The following LANCL1 variants were observed in gnomAD, a reference collection of about 807,000 sequenced individuals.
LANCL1 encodes glutathione S-transferase LANCL1.
In LANCL1, 50 loss-of-function variants were observed where a neutral mutation model predicts 50.6. That is an observed-to-expected ratio of 0.99 (90% CI 0.79 to 1.25). The LOEUF (loss-of-function observed/expected upper bound fraction) is 1.25, where lower values mean the gene tolerates loss of function less well. Among genes scored for constraint, LANCL1 ranks in the 50% most tolerant of loss-of-function variants. The pLI is 0.00. For missense variants in LANCL1, 532 were observed against 480.7 expected, an observed-to-expected ratio of 1.11 and a Z score of -1.00; for synonymous variants, 188 against 178.6, an observed-to-expected ratio of 1.05 and a Z score of -0.42.
chr2:210,441,510 G>C (rs1421191447), intron 4 of LANCL1, 67 bp from the exon 5 acceptor site: 1 of 1,363,738 alleles, frequency 7.3e-7, no homozygotes, highest in Non-Finnish European at 1.0e-6. Context: ...ACTTAAAAAT[G>C]GTACATTGAA....
intron 8 of LANCL1, among the ~76,000 whole-genome samples, chr2:210,435,706 TA>T (rs1692904872): frequency 6.6e-6 from 1 of 152,088 alleles, no homozygotes; most frequent in Non-Finnish European, 1.5e-5. Context: ...CCTACATCTT[TA>T]TTTTTTTCTC....
chr2:210,465,579 A>T (rs1051627240), intron 3 of LANCL1, among the ~76,000 whole-genome samples: 2 of 152,220 alleles, frequency 1.3e-5, no homozygotes, highest in Non-Finnish European at 2.9e-5. Context: ...ACATATTGAA[A>T]ATGTAGCCTT....
chr2:210,450,250 T>A (rs1253877114), intron 4 of LANCL1, among the ~76,000 whole-genome samples: 2 of 152,174 alleles, frequency 1.3e-5, no homozygotes, highest in African/African-American at 2.4e-5. Context: ...GGGAAAGGAT[T>A]CCCTACTTAA....
intron 3 of LANCL1, among the ~76,000 whole-genome samples, chr2:210,461,144 ATC>A (rs1280662744): frequency 2.0e-5 from 3 of 150,812 alleles, no homozygotes; most frequent in African/African-American, 4.9e-5. Flanking sequence ...CTTTTTTCTG[ATC>A]TGTTTCACAC....
intron 3 of LANCL1, among the ~76,000 whole-genome samples, chr2:210,461,265 T>C (rs1398402459): frequency 1.3e-5 from 2 of 152,036 alleles, no homozygotes; most frequent in African/African-American, 4.8e-5. Flanking sequence ...CCAGCGTAAA[T>C]CCATGCCCAT....
intron 9 of LANCL1, 131 bp downstream of exon 9, chr2:210,435,256 G>A (rs1692887056): frequency 1.5e-6 from 1 of 666,966 alleles, no homozygotes; most frequent in South Asian, 1.9e-5. Context: ...TATCGATTTA[G>A]CATATTAGGA....
chr2:210,466,401 T>C (rs1181026104), intron 3 of LANCL1, among the ~76,000 whole-genome samples: 1 of 152,178 alleles, frequency 6.6e-6, no homozygotes, highest in Non-Finnish European at 1.5e-5. Context: ...TACACAGACT[T>C]CTGATTAGCC....
intron 4 of LANCL1, among the ~76,000 whole-genome samples, chr2:210,451,146 G>A (rs1693499416): frequency 6.6e-6 from 1 of 152,174 alleles, no homozygotes; most frequent in Non-Finnish European, 1.5e-5. Context: ...ATACTATGCA[G>A]CCATAAAAAA....
rs184865055 is a variant in LANCL1 at position 210,468,069 on chromosome 2, A to C, written c.199+3890T>G. On this transcript the variant is annotated intron_variant, in intron 3 of 9. Coordinates refer to ENST00000450366, the MANE Select transcript of LANCL1 (RefSeq NM_006055.3). ...AATGTTTTACAGTATTAAGTTTAGA[A>C]TCAATCGCTAGTCCCTTCTAGATTT... The C allele has an allele frequency of 1.2e-4, 19 of 152,336 alleles. No individual in the cohort carries two copies. The East Asian group carries it at 2.1e-3, about 17-fold the overall frequency. The allele number at this position is 152,336 out of a possible 1,614,324, so 9.4% of individuals were successfully genotyped here. A position where few individuals can be genotyped will look rare whatever the true frequency, so the allele number is the denominator to read the frequency against.
At chr2:210,437,930 C>A in intron 6 of LANCL1, 58 bp from the exon 7 acceptor site, 1 of 1,252,776 alleles carries the variant, frequency 8.0e-7, no homozygotes. Flanking sequence ...TCCTAGGTCT[C>A]AGTATATTTA....
At chr2:210,473,267 C>A (rs991008705) in intron 2 of LANCL1, among the ~76,000 whole-genome samples, 1 of 152,096 alleles carries the variant, frequency 6.6e-6, no homozygotes, top group Non-Finnish European at 1.5e-5. Context: ...CCCAGCTATT[C>A]GGAAGCCTGA....
intron 3 of LANCL1, chr2:210,468,524 C>T (rs1472401912): frequency 1.3e-5 from 2 of 152,260 alleles, no homozygotes; most frequent in Non-Finnish European, 2.9e-5. Context: ...TAAAAGACTG[C>T]ATTTACTACC....
chr2:210,477,116 C>G (rs577044341), upstream of LANCL1, among the ~76,000 whole-genome samples: 19 of 152,064 alleles, frequency 1.2e-4, no homozygotes, highest in African/African-American at 4.3e-4. Context: ...TAATGTCTCT[C>G]CAGGGACTTG....
In LANCL1 at chr2:210,476,731, C is replaced by A; in HGVS notation, c.-128G>T. The A allele has an allele frequency of 9.1e-7, 1 of 1,098,632 alleles. No homozygotes were observed. The highest frequency in any genetic ancestry group is 3.2e-5 in the South Asian group (1 of 31,466). 68.1% of individuals were successfully genotyped at this position (1,098,632 alleles called of 1,614,324 possible). ...GGCCCTGGCCTCTCACCCCGCAGCC[C>A]CGGACAGTAACAGAAGGGCTATTTT... is the stretch of plus-strand genomic sequence containing the variant. On this transcript the variant is annotated 5_prime_UTR_variant, in exon 1 of 10. Coordinates refer to ENST00000450366, the MANE Select transcript of LANCL1 (RefSeq NM_006055.3).
chr2:210,443,534 A>G (rs1024704743), intron 4 of LANCL1, among the ~76,000 whole-genome samples: 1 of 152,222 alleles, frequency 6.6e-6, no homozygotes, highest in Non-Finnish European at 1.5e-5. Flanking sequence ...CTTTGTTCTT[A>G]AAATTTTTCA....
intron 3 of LANCL1, among the ~76,000 whole-genome samples, chr2:210,458,770 T>C (rs1276219349): frequency 6.6e-6 from 1 of 152,220 alleles, no homozygotes; most frequent in Non-Finnish European, 1.5e-5. Flanking sequence ...TTGTATCCAT[T>C]AATAAATTCA....
chr2:210,466,814 G>A (rs1472791335), intron 3 of LANCL1, among the ~76,000 whole-genome samples: 1 of 152,124 alleles, frequency 6.6e-6, no homozygotes, highest in Non-Finnish European at 1.5e-5. Flanking sequence ...TGCCATCGTT[G>A]ATACAGTAAA....
intron 8 of LANCL1, 148 bp from the exon 9 acceptor site, chr2:210,435,607 T>C (rs1692900780): frequency 1.5e-6 from 1 of 662,814 alleles, no homozygotes; most frequent in South Asian, 1.8e-5. Context: ...AAAGGATGGT[T>C]TGAAAGAGTA....
intron 4 of LANCL1, among the ~76,000 whole-genome samples, chr2:210,443,447 A>G (rs547143204): frequency 1.3e-5 from 2 of 152,356 alleles, no homozygotes; most frequent in Admixed American, 1.3e-4. Flanking sequence ...CAAAGAGCCA[A>G]TGAAACTCTG....
Sources: allele counts gnomAD v4.1 joint callset (sites outside exome capture counted in the v4.1 genomes callset), GRCh38; gene constraint gnomAD v4.1.1; transcripts MANE v1.5; gene names NCBI Gene and HGNC (gene_info 2026-07-23, HGNC 2026-07-21).